The following PPFIA2 variants were observed in gnomAD, a reference collection of about 807,000 sequenced individuals.
PPFIA2 encodes the protein liprin-alpha-2.
In PPFIA2, 46 loss-of-function variants were observed where a neutral mutation model predicts 175.5. That is an observed-to-expected ratio of 0.26 (90% confidence interval 0.21 to 0.34). The LOEUF (loss-of-function observed/expected upper bound fraction) is 0.34. PPFIA2 is among the 10% of genes least tolerant of loss of function. PPFIA2 has a pLI of 1.00. For synonymous variants in PPFIA2, 568 were observed against 511.4 expected (o/e 1.11, Z -1.49); for missense variants, 1,179 against 1,506.1 (o/e 0.78, Z 3.60).
intron 22 of PPFIA2, among the ~76,000 whole-genome samples, chr12:81,315,258 C>T (rs974389139): frequency 1.3e-5 from 2 of 151,834 alleles, no homozygotes; most frequent in African/African-American, 4.8e-5. Flanking sequence ...CACAATGAAA[C>T]TATTTCTAAT....
chr12:81,638,121 C>T (rs1260257921), intron 4 of PPFIA2, among the ~76,000 whole-genome samples: 1 of 152,088 alleles, frequency 6.6e-6, no homozygotes, highest in Non-Finnish European at 1.5e-5. Context: ...CTTCCTTCTT[C>T]TTGTCATCTC....
At chr12:81,408,280 G>T (rs2043284323) in intron 7 of PPFIA2, among the ~76,000 whole-genome samples, 1 of 152,008 alleles carries the variant, frequency 6.6e-6, no homozygotes, top group Non-Finnish European at 1.5e-5. Context: ...TGATACATGA[G>T]ATTTTATGAA....
intron 10 of PPFIA2, among the ~76,000 whole-genome samples, chr12:81,375,276 T>C (rs370404314): frequency 6.6e-6 from 1 of 152,166 alleles, no homozygotes; most frequent in East Asian, 1.9e-4. Context: ...TAGACAATGA[T>C]TAAATGATTG....
intron 4 of PPFIA2, among the ~76,000 whole-genome samples, chr12:81,523,677 C>CA (rs1432692993): frequency 2.6e-5 from 4 of 152,000 alleles, no homozygotes; most frequent in South Asian, 2.1e-4. Context: ...ACTGTGCTGC[C>CA]AAAAAAACCT....
At chr12:81,717,634 A>G (rs1050559021) in intron 3 of PPFIA2, among the ~76,000 whole-genome samples, 1 of 151,734 alleles carries the variant, frequency 6.6e-6, no homozygotes, top group African/African-American at 2.4e-5. Context: ...TAATATAGTC[A>G]TTCAAAATTA....
Position 81,482,828 on chromosome 12 carries a change from A to C in PPFIA2, c.304-24962T>G, listed in dbSNP as rs147594843. ...TGGGTGTAGCAAACCACCATGGCAC[A>C]TGTGTACTTATGTAACAAACCTGCA... On this transcript the variant is annotated intron_variant, in intron 4 of 32. Transcript: ENST00000549396. 2.1e-4 allele frequency among the ~76,000 whole-genome samples: 32 copies of C among 152,174 alleles called. No individual in the cohort carries two copies. The East Asian group carries it at 6.2e-3, about 29-fold the overall frequency.
At chr12:81,621,051 A>T (rs2061992958) in intron 4 of PPFIA2, among the ~76,000 whole-genome samples, 1 of 152,250 alleles carries the variant, frequency 6.6e-6, no homozygotes, top group Non-Finnish European at 1.5e-5. Flanking sequence ...TAACCAATTT[A>T]TATATCATGG....
At position 81,614,392 on chromosome 12, in the gene PPFIA2, G is replaced by C. The variant is rs148511861; in HGVS notation, c.303+62399C>G. ...GAATCAGGATAATAACCAATTACAT[G>C]CAAGGACTTTAGGATAATATTTACA... On this transcript the variant is annotated intron_variant, in intron 4 of 32. Coordinates refer to ENST00000549396, the MANE Select transcript of PPFIA2 (RefSeq NM_003625.5). Among the ~76,000 whole-genome samples the C allele has an allele frequency of 2.0e-5, 3 of 152,202 alleles. No homozygotes were observed. In the East Asian group the frequency reaches 5.8e-4, roughly 29 times the overall value.
At chr12:81,500,491 GGGCACAGATCCCA>G (rs1388213745) in intron 4 of PPFIA2, among the ~76,000 whole-genome samples, 3 of 152,174 alleles carry the variant, frequency 2.0e-5, no homozygotes, top group Non-Finnish European at 4.4e-5. Flanking sequence ...CCAGAGCAAA[GGGCACAGATCCCA>G]GGCATAACAA....
chr12:81,276,131 A>G (rs913133844), intron 28 of PPFIA2, among the ~76,000 whole-genome samples: 2 of 152,296 alleles, frequency 1.3e-5, no homozygotes, highest in South Asian at 4.1e-4. Context: ...TTTAGCAAAA[A>G]AAAGCCCACG....
At chr12:81,325,117 T>A (rs2054473626) in intron 22 of PPFIA2, among the ~76,000 whole-genome samples, 1 of 152,030 alleles carries the variant, frequency 6.6e-6, no homozygotes, top group South Asian at 2.1e-4. Flanking sequence ...GATTCTGGAA[T>A]AAAGAGAAAT....
At chr12:81,664,328 C>T (rs1205931246) in intron 4 of PPFIA2, among the ~76,000 whole-genome samples, 1 of 151,866 alleles carries the variant, frequency 6.6e-6, no homozygotes, top group Non-Finnish European at 1.5e-5. Flanking sequence ...ACAAAGAACT[C>T]AAACAAATTT....
intron 4 of PPFIA2, among the ~76,000 whole-genome samples, chr12:81,480,101 T>C (rs2058024531): frequency 6.6e-6 from 1 of 152,088 alleles, no homozygotes; most frequent in Non-Finnish European, 1.5e-5. Context: ...AGGCTTTGTT[T>C]GTTGCTTTTC....
intron 3 of PPFIA2, among the ~76,000 whole-genome samples, chr12:81,735,026 T>G (rs1256587916): frequency 6.6e-6 from 1 of 151,858 alleles, no homozygotes; most frequent in Non-Finnish European, 1.5e-5. Flanking sequence ...GAATAGCATT[T>G]CATTGCATGA....
At chr12:81,613,108 T>C (rs923380032) in intron 4 of PPFIA2, among the ~76,000 whole-genome samples, 2 of 152,224 alleles carry the variant, frequency 1.3e-5, no homozygotes, top group Non-Finnish European at 2.9e-5. Flanking sequence ...AGAATCATTT[T>C]ATTATATGCT....
At position 81,283,068 on chromosome 12, in the gene PPFIA2, A is replaced by C. The variant is rs370707492; in HGVS notation, c.2989-29T>G. The C allele has an allele frequency of 4.7e-5, 76 of 1,608,262 alleles. No homozygotes were observed. In the East Asian group the frequency reaches 6.7e-4, roughly 14 times the overall value. Reference sequence around the variant, plus strand: ...TGTTAGCAGCAGGAAATGATTAATAAAGCAGGTAAATATAAATTAATTTCA... The same window carrying C: ...TGTTAGCAGCAGGAAATGATTAATACAGCAGGTAAATATAAATTAATTTCA... On this transcript the variant is annotated intron_variant, in intron 25 of 32. Coordinates refer to ENST00000549396, the MANE Select transcript of PPFIA2 (RefSeq NM_003625.5).
intron 15 of PPFIA2, among the ~76,000 whole-genome samples, chr12:81,362,298 C>A (rs996687062): frequency 6.6e-6 from 1 of 150,904 alleles, no homozygotes; most frequent in Non-Finnish European, 1.5e-5. Context: ...TGTTTCTACA[C>A]TGAACACATA....
chr12:81,671,918 A>G (rs1167466115), intron 4 of PPFIA2, among the ~76,000 whole-genome samples: 2 of 151,728 alleles, frequency 1.3e-5, no homozygotes, highest in Non-Finnish European at 2.9e-5. Context: ...ATTCCCATCA[A>G]TTGCATTATG....
intron 4 of PPFIA2, among the ~76,000 whole-genome samples, chr12:81,477,694 A>G (rs956883205): frequency 4.6e-5 from 7 of 152,016 alleles, no homozygotes; most frequent in African/African-American, 1.7e-4. Flanking sequence ...TGTTTATGTG[A>G]TGAATTACAT....
Sources: allele counts gnomAD v4.1 joint callset (sites outside exome capture counted in the v4.1 genomes callset), GRCh38; gene constraint gnomAD v4.1.1; transcripts MANE v1.5; gene names NCBI Gene and HGNC (gene_info 2026-07-23, HGNC 2026-07-21).